Variants in ABHD17B observed in about 807,000 individuals in gnomAD.
ABHD17B encodes the protein abhydrolase domain containing 17B, depalmitoylase, also known as alpha/beta hydrolase domain-containing protein 17B.
A neutral mutation model predicts 26.2 loss-of-function variants in ABHD17B; 9 were observed. The observed-to-expected ratio is 0.34, with a 90% CI of 0.21 to 0.60. The LOEUF (loss-of-function observed/expected upper bound fraction) is 0.60. Ranked by LOEUF, ABHD17B falls within the 20% of genes least tolerant of loss-of-function variation. The pLI is 0.80. For missense variants in ABHD17B, 224 were observed against 352.1 expected (o/e 0.64, Z 2.91); for synonymous variants, 127 against 122.3 (o/e 1.04, Z -0.25).
intron 1 of ABHD17B, among the ~76,000 whole-genome samples, chr9:71,900,643 C>T (rs1488732815): frequency 9.9e-6 from 1 of 100,946 alleles, no homozygotes; most frequent in Non-Finnish European, 1.9e-5. Context: ...CAGAGTGAGA[C>T]TCCATCTCCA....
chr9:71,867,015 A>T lies in ABHD17B; in HGVS notation c.648-9T>A. The T allele has an allele frequency of 6.2e-7, 1 of 1,612,098 alleles. No homozygotes were observed. The highest frequency in any genetic ancestry group is 2.2e-5 in the East Asian group (1 of 44,880). On this transcript the variant is annotated splice_polypyrimidine_tract_variant and intron_variant, in intron 3 of 3. Transcript: ENST00000333421. The stretch of plus-strand genomic sequence containing the variant: ...TAGAGATTTTGTCAATGCTGCAGGG[A>T]AAAAGGAAGGGGGAAAAATGCAATA...
rs555018810 is a variant in ABHD17B, at chr9:71,895,439, A to G, written c.-4+15195T>C. ...ACTATGTCCTGGCCAAATAGGGTATATAATTGTGTTTCAGGCTGAATTATC... is the reference window on the plus strand; with the variant it reads ...ACTATGTCCTGGCCAAATAGGGTATGTAATTGTGTTTCAGGCTGAATTATC... On this transcript the variant is annotated intron_variant, in intron 1 of 3. Coordinates refer to ENST00000333421, the MANE Select transcript of ABHD17B (RefSeq NM_001025780.3). Among the ~76,000 whole-genome samples the G allele has an allele frequency of 7.6e-4, 116 of 152,348 alleles. 1 individual carries two copies. The highest frequency in any genetic ancestry group is 2.8e-3 in the African/African-American group (116 of 41,576).
intron 1 of ABHD17B, among the ~76,000 whole-genome samples, chr9:71,903,938 G>T (rs1320655162): frequency 6.6e-6 from 1 of 152,120 alleles, no homozygotes; most frequent in Non-Finnish European, 1.5e-5. Flanking sequence ...AAGAATTCAG[G>T]TTAAGTTAAT....
At chr9:71,904,264 G>T (rs1053302690) in intron 1 of ABHD17B, among the ~76,000 whole-genome samples, 8 of 152,164 alleles carry the variant, frequency 5.3e-5, no homozygotes, top group African/African-American at 1.9e-4. Context: ...AGCTTTGCTT[G>T]TTTTGCTCAT....
intron 1 of ABHD17B, among the ~76,000 whole-genome samples, chr9:71,905,648 A>G (rs573202037): frequency 1.3e-5 from 2 of 152,290 alleles, no homozygotes; most frequent in South Asian, 2.1e-4. Flanking sequence ...ATCTTTCTCA[A>G]TGACAGCTTT....
intron 1 of ABHD17B, among the ~76,000 whole-genome samples, chr9:71,889,371 G>A (rs1007471345): frequency 6.6e-5 from 10 of 150,986 alleles, no homozygotes; most frequent in Admixed American, 2.0e-4. Flanking sequence ...AAGTCTCCTC[G>A]CCAGGCTAAA....
chr9:71,879,099 C>T (rs564042263), intron 1 of ABHD17B, among the ~76,000 whole-genome samples: 6 of 152,232 alleles, frequency 3.9e-5, no homozygotes, highest in South Asian at 4.1e-4. Flanking sequence ...AAGGCTACAG[C>T]GAGCTGTGAT....
At chr9:71,885,459 C>T (rs74648345) in intron 1 of ABHD17B, among the ~76,000 whole-genome samples, 93 of 28,042 alleles carry the variant, frequency 3.3e-3, no homozygotes, top group African/African-American at 6.4e-3. Context: ...GACTCTGTCT[C>T]CAAAAAAAAA....
Position 71,875,802 on chromosome 9 carries a change from T to TA in ABHD17B, c.-3-720dup, listed in dbSNP as rs572130280. 2.0e-4 allele frequency among the ~76,000 whole-genome samples: 31 copies of TA among 152,344 alleles called. No individual in the cohort carries two copies. The East Asian group carries it at 6.0e-3, about 29-fold the overall frequency. ...AGGAATTTAGCATAAAGTGAATACA[T>TA]ACTAATAGCATTTATGAAGCTATTT... On this transcript the variant is annotated intron_variant, in intron 1 of 3. Coordinates refer to ENST00000333421, the MANE Select transcript of ABHD17B (RefSeq NM_001025780.3).
chr9:71,898,643 C>T (rs541621942), intron 1 of ABHD17B, among the ~76,000 whole-genome samples: 3 of 151,294 alleles, frequency 2.0e-5, no homozygotes, highest in African/African-American at 7.3e-5. Flanking sequence ...CTATTTCAAA[C>T]AAACAAACAA....
chr9:71,891,745 G>A (rs1318642415), intron 1 of ABHD17B, among the ~76,000 whole-genome samples: 1 of 152,060 alleles, frequency 6.6e-6, no homozygotes, highest in Non-Finnish European at 1.5e-5. Context: ...ACACACATAC[G>A]CACTCTCTCT....
At chr9:71,881,067 G>A (rs1263678806) in intron 1 of ABHD17B, among the ~76,000 whole-genome samples, 1 of 152,154 alleles carries the variant, frequency 6.6e-6, no homozygotes, top group Non-Finnish European at 1.5e-5. Flanking sequence ...AACCTAAGTT[G>A]GAGGATTCAC....
Position 71,866,473 on chromosome 9 carries a change from T to C in ABHD17B, c.*314A>G. 9.5e-6 allele frequency: 10 copies of C among 1,051,308 alleles called. No individual in the cohort carries two copies. Among genetic ancestry groups the C allele is most frequent in the Non-Finnish European group, 1.2e-5 (10 of 868,386 alleles). The allele number at this position is 1,051,308 out of a possible 1,614,324, so 65.1% of individuals were successfully genotyped here. A position where few individuals can be genotyped will look rare whatever the true frequency, so the allele number is the denominator to read the frequency against. Reference sequence around the variant, plus strand: ...AATATTTATAAATTTGTTTCTAGTATGCAAAAGCATTTGGCAATACTTTTA... The same window carrying C: ...AATATTTATAAATTTGTTTCTAGTACGCAAAAGCATTTGGCAATACTTTTA... On this transcript the variant is annotated 3_prime_UTR_variant, in exon 4 of 4. Coordinates refer to ENST00000333421, the MANE Select transcript of ABHD17B (RefSeq NM_001025780.3).
chr9:71,873,265 T>C (rs1826164196), intron 2 of ABHD17B, among the ~76,000 whole-genome samples: 1 of 152,136 alleles, frequency 6.6e-6, no homozygotes, highest in African/African-American at 2.4e-5. Flanking sequence ...GATTTTTTTT[T>C]CAAGAAAAAT....
At position 71,911,157 on chromosome 9, in the gene ABHD17B, G is replaced by A. The variant is rs528468767; in HGVS notation, c.-527C>T. ...GACTGGAGGGGAACGGAGGGGACGA[G>A]CACAATCCCCACTGAGCCAGGAGTT... is the stretch of plus-strand genomic sequence containing the variant. On this transcript the variant is annotated 5_prime_UTR_variant, in exon 1 of 4. Coordinates refer to ENST00000333421, the MANE Select transcript of ABHD17B (RefSeq NM_001025780.3). 6.6e-6 allele frequency among the ~76,000 whole-genome samples: 1 copy of A among 152,308 alleles called. No individual in the cohort carries two copies. The highest frequency in any genetic ancestry group is 2.4e-5 in the African/African-American group (1 of 41,574).
chr9:71,908,392 CAAAAAAAA>C (rs371201006), intron 1 of ABHD17B, among the ~76,000 whole-genome samples: 2 of 39,804 alleles, frequency 5.0e-5, no homozygotes, highest in Non-Finnish European at 5.4e-5. Flanking sequence ...AACTCCGTCT[CAAAAAAAA>C]AAAAAAAAAA....
At chr9:71,871,525 T>G (rs560330804) in intron 2 of ABHD17B, among the ~76,000 whole-genome samples, 1 of 152,360 alleles carries the variant, frequency 6.6e-6, no homozygotes, top group Admixed American at 6.5e-5. Context: ...CCACAGTTCT[T>G]GAGGCTGCAT....
rs145503282 is a variant in ABHD17B at position 71,874,799 on chromosome 9, T to C, written c.282A>G (p.Leu94=). Residue 94 remains leucine (L), a synonymous_variant, in exon 2 of 4, where the codon TTA becomes TTG. Coordinates refer to ENST00000333421, the MANE Select transcript of ABHD17B (RefSeq NM_001025780.3). ...VRCSPNAKYT[L]LFSHGNAVDL... is the part of the protein sequence containing the mutation. Reference sequence around the variant, plus strand: ...CAACAGCATTTCCATGTGAGAAGAGTAAAGTGTATTTCGCATTGGGTGAAC... The same window carrying C: ...CAACAGCATTTCCATGTGAGAAGAGCAAAGTGTATTTCGCATTGGGTGAAC... 23 of 1,614,042 alleles carry C rather than the reference T, an allele frequency of 1.4e-5. No individual in the cohort carries two copies. Among genetic ancestry groups the C allele is most frequent in the Non-Finnish European group, 1.8e-5 (21 of 1,180,030 alleles).
At chr9:71,902,413 C>T (rs1827169971) in intron 1 of ABHD17B, 1 of 150,920 alleles carries the variant, frequency 6.6e-6, no homozygotes, top group African/African-American at 2.4e-5. Flanking sequence ...TCATTACCCC[C>T]ACCTTCCACC....
Sources: gnomAD v4.1 joint callset for allele counts (sites outside exome capture counted in the v4.1 genomes callset) on GRCh38, gnomAD v4.1.1 for gene constraint, MANE v1.5 for transcripts, NCBI Gene and HGNC (gene_info 2026-07-23, HGNC 2026-07-21) for gene names.